Variants in TBC1D23 observed in about 807,000 individuals in gnomAD.
TBC1D23 encodes TBC1 domain family member 23.
In TBC1D23, 55 loss-of-function variants were observed where a neutral mutation model predicts 91.4. The ratio of observed to expected loss-of-function variants is 0.60; its 90% CI spans 0.48 to 0.75. TBC1D23 has a LOEUF of 0.75. Among genes scored for constraint, TBC1D23 ranks in the 30% least tolerant of loss-of-function variants. TBC1D23 has a pLI of 0.00. For synonymous variants in TBC1D23, 289 were observed against 281.0 expected, an observed-to-expected ratio of 1.03 and a Z score of -0.28; for missense variants, 725 against 836.1, an observed-to-expected ratio of 0.87 and a Z score of 1.64.
chr3:100,312,954 C>T (rs1041318882), intron 15 of TBC1D23, among the ~76,000 whole-genome samples: 2 of 151,806 alleles, frequency 1.3e-5, no homozygotes, highest in African/African-American at 2.4e-5. Context: ...GAGGTTGAGA[C>T]CATCCTGGCT....
rs1559816899 is a variant in TBC1D23 at position 100,319,052 on chromosome 3, C to T, written c.1688-17C>T. 1 of 1,493,848 alleles carries T rather than the reference C, an allele frequency of 6.7e-7. No individual in the cohort carries two copies. The highest frequency in any genetic ancestry group is 2.0e-5 in the Admixed American group (1 of 50,458). 92.5% of individuals were successfully genotyped at this position (1,493,848 alleles called of 1,614,324 possible). A position where few individuals can be genotyped will look rare whatever the true frequency, so the allele number is the denominator to read the frequency against. ...AAGTTGGTAATATCCATATTTAATACTTTGTATTTTTTATAGATGAAATTG... is the reference window on the plus strand; with the variant it reads ...AAGTTGGTAATATCCATATTTAATATTTTGTATTTTTTATAGATGAAATTG... On this transcript the variant is annotated splice_polypyrimidine_tract_variant and intron_variant, in intron 16 of 18. Coordinates refer to ENST00000394144, the MANE Select transcript of TBC1D23 (RefSeq NM_001199198.3).
At chr3:100,321,091 C>T (rs1705850919) in intron 18 of TBC1D23, 120 bp downstream of exon 18, 1 of 720,044 alleles carries the variant, frequency 1.4e-6, no homozygotes, top group Middle Eastern at 4.1e-4. Flanking sequence ...GATAGCTGAA[C>T]CACTTTTAGT....
chr3:100,314,380 C>T (rs189416168), intron 15 of TBC1D23, among the ~76,000 whole-genome samples: 1 of 152,152 alleles, frequency 6.6e-6, no homozygotes, highest in African/African-American at 2.4e-5. Context: ...GCTGGGATTA[C>T]AAGCGTGAGC....
intron 15 of TBC1D23, among the ~76,000 whole-genome samples, chr3:100,312,989 A>G (rs1320358180): frequency 2.6e-5 from 4 of 151,504 alleles, no homozygotes; most frequent in African/African-American, 9.7e-5. Context: ...CCGTCTCTAC[A>G]GAGTGAGACT....
In TBC1D23 at chr3:100,299,347, G is replaced by T; in HGVS notation, c.1092+16G>T. Reference sequence around the variant, plus strand: ...TTCAGACCTGGTTAGTATAAATGCTGATTAATTATTCTTAAAGTAACTTTT... The same window carrying T: ...TTCAGACCTGGTTAGTATAAATGCTTATTAATTATTCTTAAAGTAACTTTT... On this transcript the variant is annotated intron_variant, in intron 10 of 18. Coordinates refer to ENST00000394144, the MANE Select transcript of TBC1D23 (RefSeq NM_001199198.3). 1 of 1,481,010 alleles carries T rather than the reference G, an allele frequency of 6.8e-7. No individual in the cohort carries two copies. Among genetic ancestry groups the T allele is most frequent in the South Asian group, 1.2e-5 (1 of 82,852 alleles). The allele number at this position is 1,481,010 out of a possible 1,614,324, so 91.7% of individuals were successfully genotyped here. A position where few individuals can be genotyped will look rare whatever the true frequency, so the allele number is the denominator to read the frequency against.
At chr3:100,311,939 A>G in intron 15 of TBC1D23, 62 bp downstream of exon 15, 1 of 1,108,268 alleles carries the variant, frequency 9.0e-7, no homozygotes, top group Non-Finnish European at 1.3e-6. Flanking sequence ...GCTTCATGCC[A>G]TCTATAAGCC....
At chr3:100,313,375 T>C (rs1269380689) in intron 15 of TBC1D23, among the ~76,000 whole-genome samples, 1 of 152,166 alleles carries the variant, frequency 6.6e-6, no homozygotes, top group Non-Finnish European at 1.5e-5. Flanking sequence ...CTAAGCTCAG[T>C]AAATTAAAGC....
intron 10 of TBC1D23, among the ~76,000 whole-genome samples, chr3:100,301,308 C>G (rs1210798445): frequency 6.7e-6 from 1 of 149,314 alleles, no homozygotes; most frequent in Non-Finnish European, 1.5e-5. Context: ...AACCTTCTTA[C>G]GTTTCAGAAC....
chr3:100,294,175 G>C (rs911891312), intron 5 of TBC1D23, among the ~76,000 whole-genome samples: 3 of 152,040 alleles, frequency 2.0e-5, no homozygotes, highest in Non-Finnish European at 2.9e-5. Context: ...TTAAAACACA[G>C]TTGGGCTGTA....
chr3:100,266,537 G>A (rs932415905), intron 1 of TBC1D23, among the ~76,000 whole-genome samples: 2 of 152,138 alleles, frequency 1.3e-5, no homozygotes, highest in Non-Finnish European at 2.9e-5. Flanking sequence ...CCACAGTGTT[G>A]GGACTACAGG....
intron 1 of TBC1D23, chr3:100,261,277 A>G (rs1191529151): frequency 2.9e-5 from 17 of 587,468 alleles, no homozygotes; most frequent in Middle Eastern, 4.5e-4. Context: ...ACTCCCAAGG[A>G]GAGGGGTGTC....
At chr3:100,286,978 C>T (rs1481722437) in intron 4 of TBC1D23, among the ~76,000 whole-genome samples, 3 of 151,610 alleles carry the variant, frequency 2.0e-5, no homozygotes, top group African/African-American at 4.8e-5. Flanking sequence ...CCACACCCGG[C>T]GAATTTTTGT....
At chr3:100,283,553 A>G (rs897711909) in intron 3 of TBC1D23, 54 bp from the exon 4 acceptor site, 4 of 1,223,070 alleles carry the variant, frequency 3.3e-6, no homozygotes, top group Non-Finnish European at 2.4e-6. Flanking sequence ...GTTATGTCCA[A>G]TAACAGCCCC....
At chr3:100,265,868 ATAT>A (rs1265908959) in intron 1 of TBC1D23, among the ~76,000 whole-genome samples, 3 of 152,218 alleles carry the variant, frequency 2.0e-5, no homozygotes, top group Non-Finnish European at 4.4e-5. Context: ...TTTGAGAATA[ATAT>A]TTTTCAAAGT....
At chr3:100,309,046 G>T (rs2148867870) in intron 13 of TBC1D23, among the ~76,000 whole-genome samples, 1 of 152,274 alleles carries the variant, frequency 6.6e-6, no homozygotes, top group East Asian at 1.9e-4. Flanking sequence ...GGTGGTAGGT[G>T]CCTATAATCC....
intron 17 of TBC1D23, among the ~76,000 whole-genome samples, chr3:100,320,282 C>T (rs1359866327): frequency 6.6e-6 from 1 of 152,074 alleles, no homozygotes; most frequent in Admixed American, 6.5e-5. Flanking sequence ...AGCTGAGATA[C>T]AGGGGTTGGG....
At chr3:100,301,181 G>A (rs957513640) in intron 10 of TBC1D23, among the ~76,000 whole-genome samples, 13 of 151,442 alleles carry the variant, frequency 8.6e-5, no homozygotes, top group African/African-American at 3.2e-4. Context: ...CTTTAAAAAG[G>A]TGGAACCCAG....
chr3:100,311,352 C>T (rs1705620554), intron 14 of TBC1D23, among the ~76,000 whole-genome samples: 1 of 152,104 alleles, frequency 6.6e-6, no homozygotes. Context: ...CATACAAAAG[C>T]ACATTTTTCT....
At chr3:100,263,107 G>A (rs2067527830) in intron 1 of TBC1D23, among the ~76,000 whole-genome samples, 1 of 152,210 alleles carries the variant, frequency 6.6e-6, no homozygotes, top group Admixed American at 6.5e-5. Context: ...AAGAGAGTCA[G>A]CGAAGGGAGA....
Sources: gnomAD v4.1 joint callset for allele counts (sites outside exome capture counted in the v4.1 genomes callset) on GRCh38, gnomAD v4.1.1 for gene constraint, MANE v1.5 for transcripts, NCBI Gene and HGNC (gene_info 2026-07-23, HGNC 2026-07-21) for gene names.